LIMD1: variants seen among roughly 807,000 people sequenced by gnomAD.
LIMD1 encodes LIM domain-containing protein 1.
In LIMD1, 23 loss-of-function variants were observed where a neutral mutation model predicts 58.4. The ratio of observed to expected loss-of-function variants is 0.39; its 90% CI spans 0.28 to 0.56. LIMD1 has a LOEUF of 0.56. Among genes scored for constraint, LIMD1 ranks in the 20% least tolerant of loss-of-function variants. LIMD1 has a pLI of 0.57. For missense variants in LIMD1, 838 were observed against 855.5 expected, an observed-to-expected ratio of 0.98 and a Z score of 0.25; for synonymous variants, 334 against 345.5, an observed-to-expected ratio of 0.97 and a Z score of 0.37.
At chr3:45,659,879 C>G (rs1426572853) in intron 2 of LIMD1, among the ~76,000 whole-genome samples, 5 of 152,166 alleles carry the variant, frequency 3.3e-5, no homozygotes, top group African/African-American at 4.8e-5. Context: ...ATCTTACACT[C>G]TCAGCAGTAG....
chr3:45,622,667 A>T (rs1188450877), intron 1 of LIMD1, among the ~76,000 whole-genome samples: 2 of 150,694 alleles, frequency 1.3e-5, no homozygotes, highest in Non-Finnish European at 3.0e-5. Context: ...TTTTTAAAGG[A>T]ATTTTTTTTT....
chr3:45,628,634 A>G (rs1009046744), intron 1 of LIMD1, among the ~76,000 whole-genome samples: 13 of 152,262 alleles, frequency 8.5e-5, no homozygotes, highest in African/African-American at 3.1e-4. Flanking sequence ...CACCTACCAT[A>G]AGACCCAGCC....
intron 2 of LIMD1, among the ~76,000 whole-genome samples, chr3:45,645,531 G>A (rs922423787): frequency 6.6e-6 from 1 of 152,124 alleles, no homozygotes; most frequent in Admixed American, 6.6e-5. Context: ...GATACTTGGC[G>A]GTGCCCAGGG....
At chr3:45,649,232 C>G (rs999782841) in intron 2 of LIMD1, among the ~76,000 whole-genome samples, 1 of 152,076 alleles carries the variant, frequency 6.6e-6, no homozygotes, top group Admixed American at 6.5e-5. Context: ...TCCTTCTCAT[C>G]CCTTTGTTTA....
In LIMD1 at chr3:45,596,208, T is replaced by C; in HGVS notation, c.1329T>C (p.Ser443=). 1 of 1,613,628 alleles carries C rather than the reference T, an allele frequency of 6.2e-7. No individual in the cohort carries two copies. Among genetic ancestry groups the C allele is most frequent in the Non-Finnish European group, 8.5e-7 (1 of 1,179,838 alleles). The stretch of plus-strand genomic sequence containing the variant: ...TCCCAGGTCCTGAGCTGAGACCCTC[T>C]GCTGCTGAGTTGAAATTAGAAGCCC... ...PLVPGPELRP[S]AAELKLEALT... The change falls in exon 1 of 8, where the codon TCT becomes TCC. Residue 443 remains serine (S), a synonymous_variant. Coordinates refer to ENST00000273317, the MANE Select transcript of LIMD1 (RefSeq NM_014240.3).
intron 2 of LIMD1, among the ~76,000 whole-genome samples, chr3:45,659,327 T>C (rs1321422872): frequency 6.6e-6 from 1 of 152,212 alleles, no homozygotes; most frequent in African/African-American, 2.4e-5. Context: ...TCAGTCTGGG[T>C]GCAGTAGTTC....
intron 5 of LIMD1, 151 bp downstream of exon 5, chr3:45,672,971 G>A (rs927976018): frequency 1.2e-4 from 99 of 825,296 alleles, no homozygotes; most frequent in Non-Finnish European, 1.7e-4. Flanking sequence ...GTACAGCAGG[G>A]ACCTTGGGAG....
At position 45,657,524 on chromosome 3, in the gene LIMD1, CAAAAAAAAAAA is replaced by C. The variant is rs71617901; in HGVS notation, c.1511-8116_1511-8106del. On this transcript the variant is annotated intron_variant, in intron 2 of 7. Coordinates refer to ENST00000273317, the MANE Select transcript of LIMD1 (RefSeq NM_014240.3). ...TGGGCAACAGAGCAAGACGCTGTCTCAAAAAAAAAAAAAAAAAAAAGGAAAAAGAAAGAAAG... is the reference window on the plus strand; with the variant it reads ...TGGGCAACAGAGCAAGACGCTGTCTCAAAAAAAAAGGAAAAAGAAAGAAAG... Among the ~76,000 whole-genome samples the C allele has an allele frequency of 5.6e-3, 561 of 99,624 alleles. 2 individuals carry two copies. The highest frequency in any genetic ancestry group is 0.021 in the African/African-American group (543 of 25,262). 65.4% of individuals were successfully genotyped at this position (99,624 alleles called of 152,430 possible).
At chr3:45,671,664 A>C (rs1025188103) in intron 4 of LIMD1, among the ~76,000 whole-genome samples, 1 of 152,228 alleles carries the variant, frequency 6.6e-6, no homozygotes, top group African/African-American at 2.4e-5. Flanking sequence ...AATATATATC[A>C]GAATCACCCT....
chr3:45,672,698 A>T lies in LIMD1; in HGVS notation c.1650A>T (p.Gln550His). ...CGHLIMDMILQALGKSYHPGC... is the reference protein window; with the variant it reads ...CGHLIMDMILHALGKSYHPGC... The stretch of plus-strand genomic sequence containing the variant: ...CTTGGTCTCTGCTCCAGATCCTGCA[A>T]GCCCTGGGGAAGTCCTACCACCCCG... Residue 550 changes from glutamine to histidine, a missense_variant, in exon 5 of 8, where the codon CAA (glutamine) becomes CAT (histidine). By Grantham distance (24) the Gln-to-His change is conservative. Coordinates refer to ENST00000273317, the MANE Select transcript of LIMD1 (RefSeq NM_014240.3). The T allele has an allele frequency of 6.2e-7, 1 of 1,613,824 alleles. No homozygotes were observed. The highest frequency in any genetic ancestry group is 1.1e-5 in the South Asian group (1 of 91,078).
chr3:45,612,072 T>TCG (rs1559514827), intron 1 of LIMD1, among the ~76,000 whole-genome samples: 1 of 47,426 alleles, frequency 2.1e-5, no homozygotes, highest in Non-Finnish European at 9.8e-5. Context: ...AGGTGCGCGC[T>TCG]CTCTCTCTCT....
rs1697800941 is a variant in LIMD1, at chr3:45,685,662, G to C, written c.*8603G>C. On this transcript the variant is annotated 3_prime_UTR_variant, in exon 8 of 8. Coordinates refer to ENST00000273317, the MANE Select transcript of LIMD1 (RefSeq NM_014240.3). ...AACCTACTCATGCGGTGTCTTCTGGGGTACAGTGAGTCCACAGGGCAGGAC... is the reference window on the plus strand; with the variant it reads ...AACCTACTCATGCGGTGTCTTCTGGCGTACAGTGAGTCCACAGGGCAGGAC... 6.6e-6 allele frequency: 1 copy of C among 152,156 alleles called. No individual in the cohort carries two copies. The highest frequency in any genetic ancestry group is 1.5e-5 in the Non-Finnish European group (1 of 68,068). The allele number at this position is 152,156 out of a possible 1,614,324, so 9.4% of individuals were successfully genotyped here. A position where few individuals can be genotyped will look rare whatever the true frequency, so the allele number is the denominator to read the frequency against.
At chr3:45,602,079 ACTGCAGGCG>A (rs1701419226) in intron 1 of LIMD1, among the ~76,000 whole-genome samples, 1 of 151,802 alleles carries the variant, frequency 6.6e-6, no homozygotes, top group Non-Finnish European at 1.5e-5. Flanking sequence ...GGTAGCTGGG[ACTGCAGGCG>A]CCCGCCACCA....
intron 1 of LIMD1, among the ~76,000 whole-genome samples, chr3:45,633,584 A>G (rs936702269): frequency 6.6e-6 from 1 of 152,206 alleles, no homozygotes; most frequent in Admixed American, 6.5e-5. Context: ...GATGGTGAGT[A>G]TGTGGGTACC....
chr3:45,596,549 GCT>G (rs896190478), intron 1 of LIMD1, among the ~76,000 whole-genome samples: 2 of 152,176 alleles, frequency 1.3e-5, no homozygotes, highest in Non-Finnish European at 2.9e-5. Context: ...GCTCATGACT[GCT>G]CTCAGAAAAG....
At chr3:45,674,818 C>T (rs1287765609) in intron 7 of LIMD1, among the ~76,000 whole-genome samples, 12 of 152,170 alleles carry the variant, frequency 7.9e-5, no homozygotes, top group African/African-American at 2.9e-4. Flanking sequence ...CAGCTGAGCC[C>T]TGGAAATCAT....
At chr3:45,626,565 G>A (rs531702008) in intron 1 of LIMD1, among the ~76,000 whole-genome samples, 2 of 152,346 alleles carry the variant, frequency 1.3e-5, no homozygotes, top group South Asian at 4.1e-4. Context: ...ATCAATGGTT[G>A]CCAGGGGTTT....
chr3:45,624,723 A>G (rs1383086557), intron 1 of LIMD1, among the ~76,000 whole-genome samples: 6 of 152,032 alleles, frequency 3.9e-5, no homozygotes, highest in African/African-American at 1.4e-4. Flanking sequence ...ACTCCGCCTC[A>G]AAAACAAAAC....
At chr3:45,614,732 GATA>G (rs1272349534) in intron 1 of LIMD1, among the ~76,000 whole-genome samples, 1 of 144,286 alleles carries the variant, frequency 6.9e-6, no homozygotes, top group Non-Finnish European at 1.5e-5. Context: ...CAAAAAAAGT[GATA>G]ATAATAATAA....
Sources: allele counts gnomAD v4.1 joint callset (sites outside exome capture counted in the v4.1 genomes callset), GRCh38; gene constraint gnomAD v4.1.1; transcripts MANE v1.5; gene names NCBI Gene and HGNC (gene_info 2026-07-23, HGNC 2026-07-21).